Variants in SYNJ1 observed in about 807,000 individuals in gnomAD.
SYNJ1 encodes polyphosphatidylinositol phosphatase SYNJ1.
SYNJ1 carries 78 observed loss-of-function variants against 168.2 expected under a neutral mutation model. The ratio of observed to expected loss-of-function variants is 0.46; its 90% confidence interval spans 0.39 to 0.56. The LOEUF is 0.56. SYNJ1 is among the 20% of genes least tolerant of loss of function. SYNJ1 has a pLI of 0.00. For synonymous variants in SYNJ1, 539 were observed against 548.6 expected, an observed-to-expected ratio of 0.98 and a Z score of 0.24; for missense variants, 1,303 against 1,597.6, an observed-to-expected ratio of 0.82 and a Z score of 3.14.
chr21:32,721,149 C>T (rs2043205524), intron 2 of SYNJ1, among the ~76,000 whole-genome samples: 1 of 152,188 alleles, frequency 6.6e-6, no homozygotes, highest in African/African-American at 2.4e-5. Flanking sequence ...GTAGATGCAG[C>T]AAACTAGTCA....
intron 4 of SYNJ1, 72 bp downstream of exon 4, chr21:32,699,766 A>T: frequency 6.5e-7 from 1 of 1,527,500 alleles, no homozygotes; most frequent in East Asian, 2.3e-5. Flanking sequence ...CACGGTGAGG[A>T]GGTTTTTGAT....
chr21:32,658,260 G>A (rs2040540329), intron 18 of SYNJ1, among the ~76,000 whole-genome samples: 1 of 152,174 alleles, frequency 6.6e-6, no homozygotes, highest in Non-Finnish European at 1.5e-5. Context: ...AAAAACCCCA[G>A]GCTCAGCTGG....
At chr21:32,659,954 T>C (rs923823933) in intron 18 of SYNJ1, among the ~76,000 whole-genome samples, 2 of 152,226 alleles carry the variant, frequency 1.3e-5, no homozygotes, top group African/African-American at 2.4e-5. Context: ...ATGCGGATCC[T>C]GAGAGCACTT....
chr21:32,649,556 C>G (rs897152761), intron 23 of SYNJ1, among the ~76,000 whole-genome samples: 1 of 152,014 alleles, frequency 6.6e-6, no homozygotes, highest in Non-Finnish European at 1.5e-5. Flanking sequence ...CTTAGAATAC[C>G]CTTTTGGAAC....
chr21:32,688,022 A>C (rs2041892011), intron 7 of SYNJ1, among the ~76,000 whole-genome samples: 1 of 151,896 alleles, frequency 6.6e-6, no homozygotes, highest in African/African-American at 2.4e-5. Flanking sequence ...ATCTCAACTG[A>C]GACTAGTCAC....
chr21:32,665,419 G>C (rs1456390589), intron 17 of SYNJ1, among the ~76,000 whole-genome samples: 1 of 152,198 alleles, frequency 6.6e-6, no homozygotes. Context: ...AGACTCACCT[G>C]AGACAAATGC....
intron 15 of SYNJ1, 102 bp downstream of exon 15, chr21:32,670,186 T>G: frequency 1.1e-6 from 1 of 938,122 alleles, no homozygotes; most frequent in Non-Finnish European, 1.6e-6. Context: ...CACCCTTCCA[T>G]TTATTATTTC....
intron 6 of SYNJ1, among the ~76,000 whole-genome samples, chr21:32,690,986 T>A (rs1411910697): frequency 6.6e-6 from 1 of 152,234 alleles, no homozygotes; most frequent in East Asian, 1.9e-4. Flanking sequence ...GTATGGTATA[T>A]CATTTTCCAT....
intron 6 of SYNJ1, among the ~76,000 whole-genome samples, chr21:32,688,839 C>T (rs1173811933): frequency 6.6e-6 from 1 of 152,158 alleles, no homozygotes; most frequent in Non-Finnish European, 1.5e-5. Context: ...TCCTACTCCT[C>T]CAAGCTGCCT....
At chr21:32,636,425 A>G (rs777371744) in intron 31 of SYNJ1, among the ~76,000 whole-genome samples, 2 of 152,214 alleles carry the variant, frequency 1.3e-5, no homozygotes, top group South Asian at 4.1e-4. Context: ...GGTCATATAC[A>G]TTATGTTTTA....
At chr21:32,728,126 A>C (rs1428136599), upstream of SYNJ1, 10 of 1,413,602 alleles carry the variant, frequency 7.1e-6, no homozygotes, top group Non-Finnish European at 9.3e-6. Flanking sequence ...CTCTGCGCCG[A>C]CCGGCTGGGC....
chr21:32,661,875 C>T (rs2145890496), intron 18 of SYNJ1, among the ~76,000 whole-genome samples: 1 of 152,176 alleles, frequency 6.6e-6, no homozygotes, highest in African/African-American at 2.4e-5. Context: ...CAGCTACGGG[C>T]TTTGGGAAAA....
At chr21:32,718,289 GAACT>G (rs2043096039) in intron 2 of SYNJ1, among the ~76,000 whole-genome samples, 1 of 152,100 alleles carries the variant, frequency 6.6e-6, no homozygotes, top group South Asian at 2.1e-4. Flanking sequence ...AAGCACTTAA[GAACT>G]AACTACTGGT....
intron 6 of SYNJ1, among the ~76,000 whole-genome samples, chr21:32,691,683 C>T (rs759842542): frequency 2.6e-5 from 4 of 152,184 alleles, no homozygotes; most frequent in African/African-American, 9.7e-5. Flanking sequence ...CACCTTATGA[C>T]AATTCTTATA....
intron 2 of SYNJ1, 58 bp from the exon 3 acceptor site, chr21:32,702,105 C>G (rs1459352922): frequency 3.0e-5 from 37 of 1,242,094 alleles, no homozygotes; most frequent in Non-Finnish European, 4.0e-5. Context: ...TTCTATTTAG[C>G]TAAGTATAAA....
At chr21:32,702,504 A>G (rs2146234831) in intron 2 of SYNJ1, among the ~76,000 whole-genome samples, 1 of 152,340 alleles carries the variant, frequency 6.6e-6, no homozygotes, top group East Asian at 1.9e-4. Flanking sequence ...AATTTTCCTA[A>G]GACAGGCTAT....
chr21:32,717,349 T>C (rs1390462996), intron 2 of SYNJ1, among the ~76,000 whole-genome samples: 1 of 152,214 alleles, frequency 6.6e-6, no homozygotes, highest in Admixed American at 6.5e-5. Flanking sequence ...GCTGTTTTAA[T>C]GTCCTTGTCT....
intron 29 of SYNJ1, among the ~76,000 whole-genome samples, chr21:32,640,415 C>A (rs1045665622): frequency 2.0e-5 from 3 of 152,074 alleles, no homozygotes; most frequent in African/African-American, 7.2e-5. Context: ...CCTGCCTCAG[C>A]CTTCCGAGTA....
intron 2 of SYNJ1, among the ~76,000 whole-genome samples, chr21:32,711,570 T>G (rs1030703327): frequency 6.6e-6 from 1 of 152,194 alleles, no homozygotes; most frequent in African/African-American, 2.4e-5. Flanking sequence ...GACCTCATGA[T>G]CTGCCCACCT....
Sources: allele counts gnomAD v4.1 joint callset (sites outside exome capture counted in the v4.1 genomes callset), GRCh38; gene constraint gnomAD v4.1.1; transcripts MANE v1.5; gene names NCBI Gene and HGNC (gene_info 2026-07-23, HGNC 2026-07-21).